The following FRMPD1 variants were observed in gnomAD, a reference collection of about 807,000 sequenced individuals.
FRMPD1 encodes the protein FERM and PDZ domain containing 1.
In FRMPD1, 76 loss-of-function variants were observed where a neutral mutation model predicts 117.8. That is an observed-to-expected ratio of 0.65 (90% CI 0.54 to 0.78). FRMPD1 has a LOEUF of 0.78. FRMPD1 is among the 30% of genes least tolerant of loss of function. FRMPD1 has a pLI of 0.00. For missense variants in FRMPD1, 1,786 were observed against 1,964.5 expected (o/e 0.91, Z 1.72); for synonymous variants, 783 against 770.4 (o/e 1.02, Z -0.27).
the FRMPD1 span, among the ~76,000 whole-genome samples, chr9:37,609,577 C>T: frequency 2.0e-5 from 3 of 152,316 alleles, no homozygotes; most frequent in South Asian, 6.2e-4. Flanking sequence ...ACTGTTACTT[C>T]CCTGCTTCAA....
intron 1 of FRMPD1, among the ~76,000 whole-genome samples, chr9:37,689,970 A>T (rs1822075911): frequency 6.6e-6 from 1 of 152,194 alleles, no homozygotes; most frequent in African/African-American, 2.4e-5. Flanking sequence ...AAATTTTACA[A>T]TGTTGTTACT....
the FRMPD1 span, among the ~76,000 whole-genome samples, chr9:37,628,283 G>A: frequency 0.13 from 19,653 of 152,218 alleles, 1,452 homozygotes; most frequent in Admixed American, 0.2. Context: ...TCTTTCTTCT[G>A]CTTCTGTGAT....
intron 10 of FRMPD1, 95 bp downstream of exon 10, chr9:37,732,535 C>A: frequency 8.3e-7 from 1 of 1,198,044 alleles, no homozygotes; most frequent in Non-Finnish European, 1.2e-6. Context: ...AGTCACCCAC[C>A]TACCCATCTG....
At chr9:37,711,233 A>T (rs1236881288) in intron 4 of FRMPD1, 117 bp from the exon 5 acceptor site, 1 of 746,254 alleles carries the variant, frequency 1.3e-6, no homozygotes, top group Non-Finnish European at 2.4e-6. Context: ...AGGCTGCTTT[A>T]TACTCATTCT....
chr9:37,742,232 C>T (rs1311836601), intron 15 of FRMPD1, among the ~76,000 whole-genome samples: 3 of 152,210 alleles, frequency 2.0e-5, no homozygotes, highest in African/African-American at 7.2e-5. Flanking sequence ...TTACTGCTCC[C>T]CAAAGTACCC....
upstream of FRMPD1, among the ~76,000 whole-genome samples, chr9:37,650,239 G>A (rs926015905): frequency 1.3e-5 from 2 of 152,202 alleles, no homozygotes; most frequent in Non-Finnish European, 2.9e-5. Context: ...TGCTCAGAGA[G>A]GCGGTAGGAC....
At chr9:37,651,906 A>G (rs1354694016) in intron 1 of FRMPD1, among the ~76,000 whole-genome samples, 1 of 152,240 alleles carries the variant, frequency 6.6e-6, no homozygotes, top group Non-Finnish European at 1.5e-5. Flanking sequence ...GGTGGAGGCA[A>G]TATTTCACCA....
intron 1 of FRMPD1, among the ~76,000 whole-genome samples, chr9:37,663,339 G>C (rs1298731736): frequency 6.6e-6 from 1 of 152,140 alleles, no homozygotes; most frequent in African/African-American, 2.4e-5. Context: ...CTGCATTGGA[G>C]ATGGGCCAGG....
chr9:37,745,306 G>T lies in FRMPD1; in HGVS notation c.3274G>T (p.Gly1092Ter). ...PRSDECGINP[G>*]EKIASIPTKE... ...AAGTGATGAATGTGGAATAAATCCA[G>T]GAGAGAAGATAGCTTCTATCCCTAC... The change falls in exon 16 of 16, where the codon GGA becomes TGA. Residue 1092 changes from glycine to a stop codon, truncating the protein, a stop_gained. Coordinates refer to ENST00000377765, the MANE Select transcript of FRMPD1 (RefSeq NM_014907.3). LOFTEE classifies it low-confidence loss of function (END_TRUNC). 1 of 1,611,464 alleles carries T rather than the reference G, an allele frequency of 6.2e-7. No individual in the cohort carries two copies. The highest frequency in any genetic ancestry group is 8.5e-7 in the Non-Finnish European group (1 of 1,177,594).
chr9:37,640,286 GT>G, the FRMPD1 span, among the ~76,000 whole-genome samples: 1 of 152,226 alleles, frequency 6.6e-6, no homozygotes, highest in Admixed American at 6.5e-5. Context: ...TTCTATGCCT[GT>G]TCCTGGTAGG....
At chr9:37,710,100 G>A (rs1039572701) in intron 4 of FRMPD1, among the ~76,000 whole-genome samples, 2 of 152,194 alleles carry the variant, frequency 1.3e-5, no homozygotes, top group Non-Finnish European at 2.9e-5. Context: ...ACAATGCCAA[G>A]AAAACATCTC....
chr9:37,637,983 T>C, the FRMPD1 span, among the ~76,000 whole-genome samples: 1 of 107,496 alleles, frequency 9.3e-6, no homozygotes, highest in East Asian at 6.4e-4. Context: ...TTTCTTTCTT[T>C]CTTTCTTTCT....
chr9:37,621,561 A>G, the FRMPD1 span, among the ~76,000 whole-genome samples: 2 of 152,116 alleles, frequency 1.3e-5, no homozygotes, highest in African/African-American at 4.8e-5. Context: ...TGTCTCCTGC[A>G]GTTGGGGGCC....
intron 1 of FRMPD1, chr9:37,668,237 G>A (rs1308059961): frequency 6.6e-6 from 1 of 152,204 alleles, no homozygotes; most frequent in African/African-American, 2.4e-5. Flanking sequence ...TGTGCCTGTC[G>A]TGCTGAAAGG....
chr9:37,736,797 A>G (rs1169242920), intron 13 of FRMPD1, among the ~76,000 whole-genome samples: 1 of 152,014 alleles, frequency 6.6e-6, no homozygotes, highest in African/African-American at 2.4e-5. Context: ...GAGTCAGAAG[A>G]CACTGTATAG....
intron 13 of FRMPD1, among the ~76,000 whole-genome samples, chr9:37,736,042 C>T (rs919843032): frequency 6.6e-6 from 1 of 151,144 alleles, no homozygotes; most frequent in South Asian, 2.1e-4. Context: ...ACTCTGTTGC[C>T]CAGGCTGGAG....
At chr9:37,670,801 T>C (rs1156796103) in intron 1 of FRMPD1, among the ~76,000 whole-genome samples, 2 of 152,272 alleles carry the variant, frequency 1.3e-5, no homozygotes, top group African/African-American at 4.8e-5. Context: ...GTTTTTATTT[T>C]GTAACTGCTT....
intron 1 of FRMPD1, among the ~76,000 whole-genome samples, chr9:37,663,741 G>A (rs1420548545): frequency 1.3e-5 from 2 of 152,136 alleles, no homozygotes; most frequent in African/African-American, 4.8e-5. Flanking sequence ...AAAATCCATG[G>A]ATGCTCAAGT....
chr9:37,715,251 C>T lies in FRMPD1; in HGVS notation c.409-3818C>T, dbSNP rs942967. Among the ~76,000 whole-genome samples the T allele has an allele frequency of 8.2e-3, 1,251 of 152,228 alleles. 19 individuals are homozygous for T. Among genetic ancestry groups the T allele is most frequent in the African/African-American group, 0.029 (1,185 of 41,524 alleles). On this transcript the variant is annotated intron_variant, in intron 5 of 15. Coordinates refer to ENST00000377765, the MANE Select transcript of FRMPD1 (RefSeq NM_014907.3). ...TAATTTGCACCAAAAGGAAATGCTA[C>T]GAGGAAGATACACTCATTATTCCCC...
Sources: gnomAD v4.1 joint callset for allele counts (sites outside exome capture counted in the v4.1 genomes callset) on GRCh38, gnomAD v4.1.1 for gene constraint, MANE v1.5 for transcripts, NCBI Gene and HGNC (gene_info 2026-07-23, HGNC 2026-07-21) for gene names.